Variants in MGAT5 observed in about 807,000 individuals in gnomAD.
MGAT5 encodes alpha-1,6-mannosylglycoprotein 6-beta-N-acetylglucosaminyltransferase.
MGAT5 carries 30 observed loss-of-function variants against 94.3 expected under a neutral mutation model. That is an observed-to-expected ratio of 0.32 (90% CI 0.24 to 0.43). The LOEUF is 0.43. Among genes scored for constraint, MGAT5 ranks in the 20% least tolerant of loss-of-function variants. The probability of loss-of-function intolerance (pLI) is 1.00; values close to 1 mark genes in which losing one functional copy is unlikely to be tolerated. For missense variants in MGAT5, 691 were observed against 905.5 expected (o/e 0.76, Z 3.04); for synonymous variants, 310 against 322.9 (o/e 0.96, Z 0.43).
At chr2:134,310,414 A>C (rs561290120) in intron 2 of MGAT5, among the ~76,000 whole-genome samples, 1 of 152,352 alleles carries the variant, frequency 6.6e-6, no homozygotes, top group Admixed American at 6.5e-5. Context: ...GTTATGAATC[A>C]GGAAAACTAG....
chr2:134,222,092 G>T (rs1680803471), intron 1 of MGAT5, among the ~76,000 whole-genome samples: 1 of 151,958 alleles, frequency 6.6e-6, no homozygotes, highest in Admixed American at 6.6e-5. Flanking sequence ...CTGACCTGAG[G>T]TAGTAGCCAA....
intron 1 of MGAT5, among the ~76,000 whole-genome samples, chr2:134,196,778 G>A (rs1312664658): frequency 6.6e-6 from 1 of 152,172 alleles, no homozygotes; most frequent in African/African-American, 2.4e-5. Context: ...TTTCCTTACT[G>A]TTAGTGTATT....
chr2:134,264,970 A>G (rs1294099418), intron 1 of MGAT5, among the ~76,000 whole-genome samples: 2 of 152,220 alleles, frequency 1.3e-5, no homozygotes, highest in East Asian at 1.9e-4. Flanking sequence ...CCATAGTATC[A>G]TGGCGGCCGT....
chr2:134,376,177 T>C (rs1231502239), intron 10 of MGAT5, among the ~76,000 whole-genome samples: 3 of 152,212 alleles, frequency 2.0e-5, no homozygotes, highest in Admixed American at 6.5e-5. Context: ...TCTGTGTTTT[T>C]CCAGGAGGAA....
chr2:134,447,962 G>T (rs902923379), intron 15 of MGAT5, among the ~76,000 whole-genome samples: 1 of 152,214 alleles, frequency 6.6e-6, no homozygotes, highest in African/African-American at 2.4e-5. Context: ...ATGGCTTAAG[G>T]GTGGCTGCAA....
intron 4 of MGAT5, among the ~76,000 whole-genome samples, chr2:134,328,735 C>T (rs1313615336): frequency 6.6e-6 from 1 of 151,846 alleles, no homozygotes; most frequent in African/African-American, 2.4e-5. Context: ...GCAGATGGGG[C>T]AGCAAACAAT....
intron 11 of MGAT5, among the ~76,000 whole-genome samples, chr2:134,406,486 T>C (rs1292003531): frequency 6.6e-6 from 1 of 152,150 alleles, no homozygotes; most frequent in Non-Finnish European, 1.5e-5. Flanking sequence ...CTGGCAAATA[T>C]GCAGTGCTCC....
At chr2:134,404,145 C>T (rs939559846) in intron 11 of MGAT5, among the ~76,000 whole-genome samples, 2 of 152,108 alleles carry the variant, frequency 1.3e-5, no homozygotes. Flanking sequence ...AGGCGTTGTA[C>T]AAGGGATGCA....
intron 1 of MGAT5, among the ~76,000 whole-genome samples, chr2:134,185,561 G>T (rs1688966267): frequency 6.6e-6 from 1 of 152,138 alleles, no homozygotes; most frequent in African/African-American, 2.4e-5. Flanking sequence ...CCTGTATGTT[G>T]CATATCTTGT....
chr2:134,428,485 C>G (rs765602303), intron 14 of MGAT5, 46 bp downstream of exon 14: 6 of 1,544,832 alleles, frequency 3.9e-6, no homozygotes, highest in Non-Finnish European at 5.4e-6. Context: ...GTACTGCTTC[C>G]TGTGACGCCA....
intron 4 of MGAT5, among the ~76,000 whole-genome samples, chr2:134,326,341 C>T (rs1398700512): frequency 6.6e-6 from 1 of 151,960 alleles, no homozygotes; most frequent in Admixed American, 6.6e-5. Flanking sequence ...TATTTTCTTA[C>T]TGATTGTCAA....
At chr2:134,325,616 T>A (rs1359025844) in intron 4 of MGAT5, among the ~76,000 whole-genome samples, 1 of 152,132 alleles carries the variant, frequency 6.6e-6, no homozygotes, top group Non-Finnish European at 1.5e-5. Context: ...CTGCTAATAC[T>A]ATTTCACACC....
chr2:134,231,744 T>C (rs771420426), intron 1 of MGAT5, among the ~76,000 whole-genome samples: 22 of 152,050 alleles, frequency 1.4e-4, no homozygotes, highest in Non-Finnish European at 2.4e-4. Context: ...CTGGAGGTAT[T>C]TGGGGAAAGA....
At chr2:134,261,892 G>A (rs1371941417) in intron 1 of MGAT5, among the ~76,000 whole-genome samples, 1 of 152,196 alleles carries the variant, frequency 6.6e-6, no homozygotes, top group African/African-American at 2.4e-5. Flanking sequence ...TCACAGTAAT[G>A]TTTTTAGTGA....
At chr2:134,290,635 C>T (rs1685291128) in intron 2 of MGAT5, among the ~76,000 whole-genome samples, 1 of 152,220 alleles carries the variant, frequency 6.6e-6, no homozygotes, top group Non-Finnish European at 1.5e-5. Flanking sequence ...ACAAGGGGTG[C>T]TCCCCCTGAA....
chr2:134,438,842 T>A (rs956109385), intron 14 of MGAT5, among the ~76,000 whole-genome samples: 1 of 152,194 alleles, frequency 6.6e-6, no homozygotes, highest in Middle Eastern at 3.2e-3. Flanking sequence ...GTAAGCTGCA[T>A]CCTAATATCC....
upstream of MGAT5, chr2:134,253,331 G>C (rs2105506818): frequency 6.6e-6 from 1 of 152,454 alleles, no homozygotes; most frequent in East Asian, 1.9e-4. Context: ...AAGCTGACTG[G>C]TATTGGGCCC....
At chr2:134,419,442 T>TGTGTGTG (rs778375692) in intron 12 of MGAT5, among the ~76,000 whole-genome samples, 2 of 134,136 alleles carry the variant, frequency 1.5e-5, no homozygotes, top group African/African-American at 2.8e-5. Context: ...GCTTCAGGGT[T>TGTGTGTG]TGTGTGTGTG....
intron 2 of MGAT5, 101 bp downstream of exon 2, chr2:134,270,651 A>G (rs181924538): frequency 4.9e-4 from 568 of 1,169,586 alleles, no homozygotes; most frequent in Non-Finnish European, 5.2e-4. Flanking sequence ...CCTGCATAAT[A>G]TAAATTCTAT....
Sources: gnomAD v4.1 joint callset for allele counts (sites outside exome capture counted in the v4.1 genomes callset) on GRCh38, gnomAD v4.1.1 for gene constraint, MANE v1.5 for transcripts, NCBI Gene and HGNC (gene_info 2026-07-23, HGNC 2026-07-21) for gene names.